The following CCDC172 variants were observed in gnomAD, a reference collection of about 807,000 sequenced individuals.
CCDC172 encodes coiled-coil domain containing 172, also known as coiled-coil domain-containing protein 172.
In CCDC172, 30 loss-of-function variants were observed where a neutral mutation model predicts 38.0. The observed-to-expected ratio is 0.79, with a 90% CI of 0.59 to 1.07. The LOEUF (loss-of-function observed/expected upper bound fraction) is 1.07. Among genes scored for constraint, CCDC172 ranks in the 50% least tolerant of loss-of-function variants. The probability of loss-of-function intolerance (pLI) is 0.00; values close to 1 mark genes in which losing one functional copy is unlikely to be tolerated. For synonymous variants in CCDC172, 78 were observed against 88.3 expected (o/e 0.88, Z 0.66); for missense variants, 297 against 290.1 (o/e 1.02, Z -0.17).
intron 5 of CCDC172, among the ~76,000 whole-genome samples, chr10:116,353,209 A>C (rs941561577): frequency 6.6e-6 from 1 of 152,030 alleles, no homozygotes; most frequent in African/African-American, 2.4e-5. Flanking sequence ...AAAAGAATAA[A>C]TGTGTACATC....
intron 3 of CCDC172, among the ~76,000 whole-genome samples, chr10:116,335,950 T>C (rs985529157): frequency 2.0e-5 from 3 of 152,056 alleles, no homozygotes; most frequent in African/African-American, 7.2e-5. Flanking sequence ...GTGGATCATC[T>C]GAGGTCAGGA....
At chr10:116,378,535 T>A in intron 8 of CCDC172, 25 bp downstream of exon 8, 1 of 1,569,454 alleles carries the variant, frequency 6.4e-7, no homozygotes, top group Non-Finnish European at 8.7e-7. Context: ...ATTGTTTAAC[T>A]TTTGTTCAGC....
intron 3 of CCDC172, among the ~76,000 whole-genome samples, chr10:116,338,132 A>G (rs754465076): frequency 1.3e-5 from 2 of 152,156 alleles, no homozygotes; most frequent in Admixed American, 6.5e-5. Context: ...AGCTTCTGCA[A>G]CCTTGATCTG....
At chr10:116,368,857 T>C (rs1845154991) in intron 7 of CCDC172, among the ~76,000 whole-genome samples, 1 of 152,044 alleles carries the variant, frequency 6.6e-6, no homozygotes, top group Non-Finnish European at 1.5e-5. Flanking sequence ...ATGACTGGGT[T>C]TTTCTTCTCC....
rs1845013627 is a variant in CCDC172 at position 116,357,489 on chromosome 10, C to T, written c.550+8C>T. On this transcript the variant is annotated splice_region_variant and intron_variant, in intron 6 of 8. Transcript: ENST00000333254. ...TCCAAAGAAAACTTAAAGGTATTAC[C>T]TTCATGAGTTAGCTTATTTTGCTGA... The T allele has an allele frequency of 2.6e-6, 4 of 1,523,920 alleles. No homozygotes were observed. Among genetic ancestry groups the T allele is most frequent in the Admixed American group, 2.3e-5 (1 of 43,972 alleles). 94.4% of individuals were successfully genotyped at this position (1,523,920 alleles called of 1,614,324 possible).
chr10:116,347,773 G>T (rs898344944), intron 5 of CCDC172, among the ~76,000 whole-genome samples: 1 of 152,084 alleles, frequency 6.6e-6, no homozygotes, highest in Admixed American at 6.5e-5. Flanking sequence ...AGACAAAATT[G>T]TCATTAGTTG....
chr10:116,379,192 AT>A (rs151299558), intron 8 of CCDC172, 130 bp from the exon 9 acceptor site: 42,857 of 499,978 alleles, frequency 0.086, 2,904 homozygotes, highest in African/African-American at 0.26. Flanking sequence ...CTTTGAATTT[AT>A]TTTTTTTTAT....
intron 3 of CCDC172, among the ~76,000 whole-genome samples, chr10:116,333,524 T>G (rs890345789): frequency 3.3e-5 from 5 of 152,196 alleles, no homozygotes; most frequent in Non-Finnish European, 7.3e-5. Flanking sequence ...AAACACTACC[T>G]CAGCATCCCT....
intron 5 of CCDC172, among the ~76,000 whole-genome samples, chr10:116,352,788 A>G (rs1589954007): frequency 6.6e-6 from 1 of 151,984 alleles, no homozygotes; most frequent in South Asian, 2.1e-4. Context: ...AAAAAAAAAG[A>G]GAAAAAGAAA....
Position 116,342,024 on chromosome 10 carries a change from T to C in CCDC172, c.283-12T>C. The C allele has an allele frequency of 2.1e-6, 3 of 1,454,896 alleles. No individual in the cohort carries two copies. Among genetic ancestry groups the C allele is most frequent in the Non-Finnish European group, 2.7e-6 (3 of 1,091,276 alleles). 90.1% of individuals were successfully genotyped at this position (1,454,896 alleles called of 1,614,324 possible). A position where few individuals can be genotyped will look rare whatever the true frequency, so the allele number is the denominator to read the frequency against. On this transcript the variant is annotated splice_polypyrimidine_tract_variant and intron_variant, in intron 4 of 8. Transcript: ENST00000333254. ...TAACACCTATATTTGATCTTTTATT[T>C]ATGTTTTTCAGGAGGCTATAAAGAA...
rs1589950088 is a variant in CCDC172, at chr10:116,341,012, G to A, written c.282+162G>A. On this transcript the variant is annotated intron_variant, in intron 4 of 8. Coordinates refer to ENST00000333254, the MANE Select transcript of CCDC172 (RefSeq NM_198515.3). ...GTGCTATTTAAAACCAATTGGTAGA[G>A]TAATACAGTTTGAAAGAAGTATATG... Among the ~76,000 whole-genome samples, 6 of 152,106 alleles carry A rather than the reference G, an allele frequency of 3.9e-5. No homozygotes were observed. In the South Asian group the frequency reaches 1.2e-3, roughly 32 times the overall value.
intron 7 of CCDC172, among the ~76,000 whole-genome samples, chr10:116,374,475 T>G (rs552541383): frequency 6.7e-6 from 1 of 148,522 alleles, no homozygotes; most frequent in Admixed American, 6.8e-5. Flanking sequence ...ATTTATAAAT[T>G]AAACTTTATC....
At chr10:116,332,838 A>C in intron 3 of CCDC172, among the ~76,000 whole-genome samples, 1 of 152,044 alleles carries the variant, frequency 6.6e-6, no homozygotes, top group African/African-American at 2.4e-5. Context: ...AATTTAGAAG[A>C]GCTTTATTCT....
At chr10:116,329,980 A>G (rs1226604122) in intron 3 of CCDC172, among the ~76,000 whole-genome samples, 1 of 152,206 alleles carries the variant, frequency 6.6e-6, no homozygotes, top group East Asian at 1.9e-4. Flanking sequence ...AAGTGCCACG[A>G]TTGTCTCAAG....
intron 7 of CCDC172, among the ~76,000 whole-genome samples, chr10:116,368,880 GTA>G (rs1845155292): frequency 6.6e-6 from 1 of 151,854 alleles, no homozygotes; most frequent in East Asian, 1.9e-4. Context: ...CCTCCATTCT[GTA>G]TGTATGTCTT....
intron 3 of CCDC172, among the ~76,000 whole-genome samples, chr10:116,327,067 A>G (rs1247630901): frequency 1.3e-5 from 2 of 152,164 alleles, no homozygotes; most frequent in Admixed American, 6.5e-5. Flanking sequence ...TACTGTATGC[A>G]GGGGCACTGT....
chr10:116,359,872 A>T (rs1325785719), intron 7 of CCDC172, among the ~76,000 whole-genome samples: 3 of 152,144 alleles, frequency 2.0e-5, no homozygotes, highest in Non-Finnish European at 4.4e-5. Context: ...TTAAAGCTTA[A>T]TATGCCATGT....
chr10:116,360,554 C>T (rs1262721404), intron 7 of CCDC172, among the ~76,000 whole-genome samples: 2 of 152,098 alleles, frequency 1.3e-5, no homozygotes, highest in Non-Finnish European at 2.9e-5. Context: ...TCTTTTTCTT[C>T]GATGTGGAAA....
At chr10:116,344,864 TA>T (rs77344850) in intron 5 of CCDC172, among the ~76,000 whole-genome samples, 14,903 of 116,586 alleles carry the variant, frequency 0.13, 989 homozygotes, top group East Asian at 0.24. Context: ...TACTTGAAAC[TA>T]AAAAAAAAAA....
Sources: gnomAD v4.1 joint callset for allele counts (sites outside exome capture counted in the v4.1 genomes callset) on GRCh38, gnomAD v4.1.1 for gene constraint, MANE v1.5 for transcripts, NCBI Gene and HGNC (gene_info 2026-07-23, HGNC 2026-07-21) for gene names.